The following PPM1E variants were observed in gnomAD, a reference collection of about 807,000 sequenced individuals.
The protein encoded by PPM1E is protein phosphatase 1E.
In PPM1E, 20 loss-of-function variants were observed where a neutral mutation model predicts 65.9. The ratio of observed to expected loss-of-function variants is 0.30; its 90% confidence interval spans 0.21 to 0.44. The LOEUF is 0.44. Ranked by LOEUF, PPM1E falls within the 20% of genes least tolerant of loss-of-function variation. The pLI, the probability that PPM1E is intolerant of heterozygous loss-of-function variation, is 1.00. For missense variants in PPM1E, 713 were observed against 953.1 expected, an observed-to-expected ratio of 0.75 and a Z score of 3.32; for synonymous variants, 352 against 374.9, an observed-to-expected ratio of 0.94 and a Z score of 0.70.
chr17:58,839,633 G>C (rs1284490221), intron 1 of PPM1E, among the ~76,000 whole-genome samples: 2 of 152,144 alleles, frequency 1.3e-5, no homozygotes, highest in Admixed American at 6.5e-5. Flanking sequence ...ATAGATAGCA[G>C]ATAGTGGGAG....
At chr17:58,898,562 G>C (rs188554583) in intron 1 of PPM1E, among the ~76,000 whole-genome samples, 169 of 152,302 alleles carry the variant, frequency 1.1e-3, no homozygotes, top group Admixed American at 4.8e-3. Context: ...CTGTTGGTGG[G>C]AGTGTAAACT....
At chr17:58,947,552 T>C (rs1482285426) in intron 1 of PPM1E, among the ~76,000 whole-genome samples, 2 of 150,394 alleles carry the variant, frequency 1.3e-5, no homozygotes, top group Admixed American at 6.7e-5. Context: ...TTTTTTTTTT[T>C]CACTTATTTG....
intron 2 of PPM1E, among the ~76,000 whole-genome samples, chr17:58,959,620 A>G (rs555485198): frequency 1.7e-4 from 24 of 144,518 alleles, no homozygotes; most frequent in Non-Finnish European, 2.9e-4. Flanking sequence ...AAAGGCCTTG[A>G]CCTCCCAAAG....
At chr17:58,913,382 C>T (rs1336987498) in intron 1 of PPM1E, among the ~76,000 whole-genome samples, 2 of 151,612 alleles carry the variant, frequency 1.3e-5, no homozygotes, top group Non-Finnish European at 2.9e-5. Context: ...CTTGAGCAGA[C>T]TTAAAAAAAA....
chr17:58,881,390 G>A (rs1349321076), intron 1 of PPM1E, among the ~76,000 whole-genome samples: 1 of 152,140 alleles, frequency 6.6e-6, no homozygotes, highest in East Asian at 1.9e-4. Flanking sequence ...TTGGCCGGGC[G>A]TGGTGGCTCA....
chr17:58,815,280 A>G (rs1219711240), intron 1 of PPM1E, among the ~76,000 whole-genome samples: 1 of 152,240 alleles, frequency 6.6e-6, no homozygotes, highest in Non-Finnish European at 1.5e-5. Flanking sequence ...ACTACAACAT[A>G]ACAGGGAACC....
intron 1 of PPM1E, among the ~76,000 whole-genome samples, chr17:58,923,020 T>G (rs1248188447): frequency 6.6e-6 from 1 of 152,114 alleles, no homozygotes; most frequent in Non-Finnish European, 1.5e-5. Flanking sequence ...GTGTGATAGC[T>G]TATGCTTGTA....
chr17:58,889,531 G>A (rs774515302), intron 1 of PPM1E, among the ~76,000 whole-genome samples: 6 of 152,150 alleles, frequency 3.9e-5, no homozygotes, highest in Admixed American at 2.0e-4. Context: ...CCCAGGAGGC[G>A]GAGGTTGCAG....
In PPM1E at chr17:58,980,781, A is replaced by G. The variant is rs767191139; in HGVS notation, c.2018A>G (p.His673Arg). ...RVSRLSHLRH[H>R]YSKKWHRFRF... ...TCTAGATTGTCTCATTTACGCCACC[A>G]CTACTCAAAGAAGTGGCACAGATTC... Residue 673 changes from histidine (H) to arginine (R), a missense_variant, in exon 7 of 7, where the codon CAC (histidine) becomes CGC (arginine). Coordinates refer to ENST00000308249, the MANE Select transcript of PPM1E (RefSeq NM_014906.5). This position sits in a 1 kb window ranked among gnomAD's most constrained non-coding sequence, Gnocchi z 4.7. 17 of 1,614,038 alleles carry G rather than the reference A, an allele frequency of 1.1e-5. No homozygotes were observed. The highest frequency in any genetic ancestry group is 1.2e-5 in the Non-Finnish European group (14 of 1,180,014).
At chr17:58,865,953 A>G (rs1019108818) in intron 1 of PPM1E, among the ~76,000 whole-genome samples, 3 of 151,976 alleles carry the variant, frequency 2.0e-5, no homozygotes, top group Non-Finnish European at 4.4e-5. Flanking sequence ...AGACAAGACA[A>G]GATTGCCAGG....
chr17:58,959,599 A>G (rs2029967444), intron 2 of PPM1E, among the ~76,000 whole-genome samples: 1 of 91,892 alleles, frequency 1.1e-5, no homozygotes, highest in African/African-American at 3.5e-5. Context: ...ACTCTGTCTC[A>G]AAAAAAAAAA....
intron 1 of PPM1E, among the ~76,000 whole-genome samples, chr17:58,786,744 C>T (rs879657386): frequency 2.0e-5 from 3 of 152,168 alleles, no homozygotes; most frequent in African/African-American, 2.4e-5. Context: ...ATTCTGCCAC[C>T]GTTACACAAC....
intron 1 of PPM1E, among the ~76,000 whole-genome samples, chr17:58,952,886 G>C (rs1239431437): frequency 6.6e-6 from 1 of 152,100 alleles, no homozygotes; most frequent in Non-Finnish European, 1.5e-5. Flanking sequence ...ATGTAGGCCA[G>C]GCTGGTCTCA....
chr17:58,816,302 G>T (rs1346448723), intron 1 of PPM1E, among the ~76,000 whole-genome samples: 1 of 152,130 alleles, frequency 6.6e-6, no homozygotes, highest in African/African-American at 2.4e-5. Context: ...GGGATTACAG[G>T]TGTGAGCCAC....
intron 6 of PPM1E, among the ~76,000 whole-genome samples, chr17:58,975,712 G>A (rs1341066471): frequency 2.0e-5 from 3 of 152,194 alleles, no homozygotes; most frequent in African/African-American, 7.2e-5. Flanking sequence ...AGATTGCAAA[G>A]GGCCTTATGT....
chr17:58,904,365 G>A lies in PPM1E; in HGVS notation c.465-51284G>A, dbSNP rs28411871. Among the ~76,000 whole-genome samples the A allele has an allele frequency of 9.3e-4, 142 of 152,250 alleles. 1 individual carries two copies. Among genetic ancestry groups the A allele is most frequent in the African/African-American group, 3.3e-3 (139 of 41,554 alleles). ...ATAAGTGATCAGAGGCTGGGGAAAT[G>A]ATTTCTAACAAGGGTAATAATTTTT... On this transcript the variant is annotated intron_variant, in intron 1 of 6. Transcript: ENST00000308249.
At chr17:58,908,168 A>G (rs563271094) in intron 1 of PPM1E, among the ~76,000 whole-genome samples, 6 of 151,232 alleles carry the variant, frequency 4.0e-5, no homozygotes, top group African/African-American at 1.5e-4. Context: ...TGCAACCTCT[A>G]CTTCCCAGAT....
chr17:58,969,854 C>T (rs1322683367), intron 4 of PPM1E, 127 bp downstream of exon 4: 4 of 880,942 alleles, frequency 4.5e-6, no homozygotes, highest in Non-Finnish European at 6.8e-6. Flanking sequence ...ATTCTTGACT[C>T]ACAGTATTGG....
rs919530809 is a variant in PPM1E at position 58,767,788 on chromosome 17, A to C, written c.464+11327A>C. On this transcript the variant is annotated intron_variant, in intron 1 of 6. Transcript: ENST00000308249. ...CTCCCGAGTAGCTGGGATTACAGGC[A>C]TGCACCACCACGCTGGGCTAATTTT... Among the ~76,000 whole-genome samples the C allele has an allele frequency of 4.6e-5, 7 of 151,598 alleles. No individual in the cohort carries two copies. The South Asian group carries it at 1.5e-3, about 32-fold the overall frequency.
Sources: gnomAD v4.1 joint callset for allele counts (sites outside exome capture counted in the v4.1 genomes callset) on GRCh38, gnomAD v4.1.1 for gene constraint, Gnocchi (gnomAD v3.1) non-coding constraint, MANE v1.5 for transcripts, NCBI Gene and HGNC (gene_info 2026-07-23, HGNC 2026-07-21) for gene names.